The following ANO6 variants were observed in gnomAD, a reference collection of about 807,000 sequenced individuals.
ANO6 encodes the protein anoctamin 6.
In ANO6, 106 loss-of-function variants were observed where a neutral mutation model predicts 117.5. The ratio of observed to expected loss-of-function variants is 0.90; its 90% CI spans 0.77 to 1.06. The LOEUF is 1.06. ANO6 is among the 50% of genes least tolerant of loss of function. ANO6 has a pLI of 0.00. For synonymous variants in ANO6, 367 were observed against 385.1 expected (o/e 0.95, Z 0.55); for missense variants, 955 against 1,121.1 (o/e 0.85, Z 2.12).
At chr12:45,277,468 G>A (rs1938591386) in intron 1 of ANO6, among the ~76,000 whole-genome samples, 2 of 152,136 alleles carry the variant, frequency 1.3e-5, no homozygotes, top group African/African-American at 2.4e-5. Flanking sequence ...GCCCAGGTTG[G>A]TCTTTAGACC....
chr12:45,279,610 C>T (rs536278790), intron 1 of ANO6, among the ~76,000 whole-genome samples: 3 of 152,282 alleles, frequency 2.0e-5, no homozygotes, highest in Non-Finnish European at 2.9e-5. Context: ...CATTATGGGG[C>T]GAGTACGTGG....
chr12:45,391,866 A>T (rs531492890), intron 12 of ANO6, among the ~76,000 whole-genome samples: 1 of 152,276 alleles, frequency 6.6e-6, no homozygotes, highest in South Asian at 2.1e-4. Flanking sequence ...CTCAAAAAAA[A>T]TGTTAAAAAG....
intron 1 of ANO6, among the ~76,000 whole-genome samples, chr12:45,293,776 G>T (rs1939197229): frequency 7.7e-6 from 1 of 129,476 alleles, no homozygotes; most frequent in African/African-American, 2.8e-5. Context: ...GTAGAGACAG[G>T]GTTTCACCGT....
rs1389066396 is a variant in ANO6 at position 45,351,807 on chromosome 12, GT to G, written c.863+1036del. Among the ~76,000 whole-genome samples the G allele has an allele frequency of 2.6e-5, 4 of 152,194 alleles. No homozygotes were observed. The East Asian group carries it at 7.7e-4, about 29-fold the overall frequency. On this transcript the variant is annotated intron_variant, in intron 7 of 19. Transcript: ENST00000320560. The stretch of plus-strand genomic sequence containing the variant: ...AGGGGTGGCAGGAGCGCCGAAAAGA[GT>G]TTAGACTTTAATTGCAGTGAGAAGC...
At chr12:45,405,460 A>T (rs950760062) in intron 15 of ANO6, among the ~76,000 whole-genome samples, 5 of 152,232 alleles carry the variant, frequency 3.3e-5, no homozygotes, top group Non-Finnish European at 7.3e-5. Context: ...TGAAAATTAC[A>T]GTGATATGAA....
At chr12:45,290,390 C>A (rs1939056001) in intron 1 of ANO6, among the ~76,000 whole-genome samples, 1 of 151,990 alleles carries the variant, frequency 6.6e-6, no homozygotes, top group African/African-American at 2.4e-5. Context: ...AGCTGAAAGA[C>A]AATAGGAATT....
chr12:45,333,631 A>G (rs752552404), intron 3 of ANO6, among the ~76,000 whole-genome samples: 26 of 151,982 alleles, frequency 1.7e-4, no homozygotes, highest in Non-Finnish European at 2.9e-5. Context: ...CCTTGAACTC[A>G]TGGATTGATA....
At chr12:45,261,553 A>G (rs898659780) in intron 1 of ANO6, among the ~76,000 whole-genome samples, 6 of 152,232 alleles carry the variant, frequency 3.9e-5, no homozygotes, top group South Asian at 2.1e-4. Flanking sequence ...TGTATGCATG[A>G]TAAGTGGCAG....
At chr12:45,242,055 A>G (rs892561022) in intron 1 of ANO6, among the ~76,000 whole-genome samples, 1 of 152,222 alleles carries the variant, frequency 6.6e-6, no homozygotes, top group Non-Finnish European at 1.5e-5. Context: ...CGGTCTGTCC[A>G]TTCTCAGAGC....
At chr12:45,423,471 C>G (rs780556516) in intron 19 of ANO6, among the ~76,000 whole-genome samples, 12 of 152,192 alleles carry the variant, frequency 7.9e-5, no homozygotes, top group Admixed American at 1.3e-4. Context: ...TGTAATTGAT[C>G]TAGCCAACTG....
chr12:45,220,937 T>C (rs1169901872), intron 1 of ANO6, among the ~76,000 whole-genome samples: 1 of 152,194 alleles, frequency 6.6e-6, no homozygotes, highest in Non-Finnish European at 1.5e-5. Flanking sequence ...AACCCAAAAA[T>C]TCTGTGCGCT....
At chr12:45,319,764 G>C (rs1374176686) in intron 2 of ANO6, among the ~76,000 whole-genome samples, 1 of 152,158 alleles carries the variant, frequency 6.6e-6, no homozygotes, top group African/African-American at 2.4e-5. Context: ...TTTTTGGTTG[G>C]TAAGCTATTA....
In ANO6 at chr12:45,431,579, T is replaced by C; in HGVS notation, c.*2268T>C. Reference sequence around the variant, plus strand: ...ATTGAAAGGCACCAAATGTAATATCTGACACTGTTAAGATGCCCAAAAGAG... The same window carrying C: ...ATTGAAAGGCACCAAATGTAATATCCGACACTGTTAAGATGCCCAAAAGAG... On this transcript the variant is annotated 3_prime_UTR_variant, in exon 20 of 20. Transcript: ENST00000320560. 1 of 985,456 alleles carries C rather than the reference T, an allele frequency of 1.0e-6. No homozygotes were observed. Among genetic ancestry groups the C allele is most frequent in the Non-Finnish European group, 1.2e-6 (1 of 829,942 alleles). The allele number at this position is 985,456 out of a possible 1,614,324, so 61.0% of individuals were successfully genotyped here.
At chr12:45,390,650 C>T in intron 12 of ANO6, 152 bp downstream of exon 12, 1 of 736,534 alleles carries the variant, frequency 1.4e-6, no homozygotes, top group South Asian at 1.7e-5. Context: ...TTCCAGATAA[C>T]TATTTTAGCC....
At chr12:45,332,727 C>A (rs1940708863) in intron 3 of ANO6, among the ~76,000 whole-genome samples, 1 of 152,054 alleles carries the variant, frequency 6.6e-6, no homozygotes, top group African/African-American at 2.4e-5. Context: ...TATCAAGAAA[C>A]CCAAGCCTGA....
At chr12:45,342,677 AT>A (rs1306836656) in intron 3 of ANO6, among the ~76,000 whole-genome samples, 1 of 152,080 alleles carries the variant, frequency 6.6e-6, no homozygotes, top group African/African-American at 2.4e-5. Flanking sequence ...TCGATCCACT[AT>A]TCACTCAGTT....
In ANO6 at chr12:45,293,622, A is replaced by G. The variant is rs766877036; in HGVS notation, c.71-8392A>G. ...TGTTGCCAGGCTGGAGTGCAGTGGC[A>G]TGATCTCAGCTCACTGCAAGCTCCG... is the stretch of plus-strand genomic sequence containing the variant. On this transcript the variant is annotated intron_variant, in intron 1 of 19. Coordinates refer to ENST00000320560, the MANE Select transcript of ANO6 (RefSeq NM_001025356.3). Among the ~76,000 whole-genome samples, 43 of 150,838 alleles carry G rather than the reference A, an allele frequency of 2.9e-4. 1 individual carries two copies. Among genetic ancestry groups the G allele is most frequent in the Admixed American group, 1.3e-3 (20 of 15,156 alleles).
In ANO6 at chr12:45,244,413, G is replaced by GGGC. The variant is rs1555159901; in HGVS notation, c.70+28024_70+28025insCGG. Among the ~76,000 whole-genome samples the GGGC allele has an allele frequency of 1.4e-4, 21 of 147,384 alleles. No individual in the cohort carries two copies. In the South Asian group the frequency reaches 4.1e-3, roughly 29 times the overall value. On this transcript the variant is annotated intron_variant, in intron 1 of 19. Transcript: ENST00000320560. ...TAGGGCTTCTCTATTTGGGGGGGGG[G>GGGC]GGTGGTCTGTGGATCTGCATGGGTG...
chr12:45,286,228 G>A (rs1938909974), intron 1 of ANO6, among the ~76,000 whole-genome samples: 1 of 152,164 alleles, frequency 6.6e-6, no homozygotes, highest in Non-Finnish European at 1.5e-5. Context: ...TTGCACTCCT[G>A]GGCTCAAGCA....
Sources: allele counts gnomAD v4.1 joint callset (sites outside exome capture counted in the v4.1 genomes callset), GRCh38; gene constraint gnomAD v4.1.1; transcripts MANE v1.5; gene names NCBI Gene and HGNC (gene_info 2026-07-23, HGNC 2026-07-21).